Variants in ANGPT4 observed in about 807,000 individuals in gnomAD.
ANGPT4 encodes angiopoietin-4.
In ANGPT4, 50 loss-of-function variants were observed where a neutral mutation model predicts 53.0. The ratio of observed to expected loss-of-function variants is 0.94; its 90% confidence interval spans 0.75 to 1.20. The LOEUF is 1.20. Among genes scored for constraint, ANGPT4 ranks in the 50% most tolerant of loss-of-function variants. ANGPT4 has a pLI of 0.00. For missense variants in ANGPT4, 648 were observed against 637.1 expected, an observed-to-expected ratio of 1.02 and a Z score of -0.18; for synonymous variants, 251 against 259.7, an observed-to-expected ratio of 0.97 and a Z score of 0.32.
At chr20:880,409 A>G (rs1418858401) in intron 5 of ANGPT4, among the ~76,000 whole-genome samples, 1 of 152,042 alleles carries the variant, frequency 6.6e-6, no homozygotes, top group Non-Finnish European at 1.5e-5. Flanking sequence ...ACACAGGGAG[A>G]CTTTGTCCCT....
rs1057382494 is a variant in ANGPT4 at position 911,816 on chromosome 20, A to T, written c.309+4090T>A. 2.6e-4 allele frequency among the ~76,000 whole-genome samples: 39 copies of T among 151,336 alleles called. No individual in the cohort carries two copies. Among genetic ancestry groups the T allele is most frequent in the African/African-American group, 9.0e-4 (37 of 41,168 alleles). ...GTTGAGAGAGTCAGACCTTGTCTTT[A>T]GGAGAGAGACAGAGAGAGGGAGAGA... On this transcript the variant is annotated intron_variant, in intron 1 of 8. Transcript: ENST00000381922. This position sits in a 1 kb window ranked among gnomAD's most constrained non-coding sequence, Gnocchi z 4.9.
intron 1 of ANGPT4, among the ~76,000 whole-genome samples, chr20:901,821 A>G (rs1982299101): frequency 6.6e-6 from 1 of 152,226 alleles, no homozygotes; most frequent in Non-Finnish European, 1.5e-5. Context: ...GGGCTGAGGC[A>G]GGAGGATGGC....
At chr20:886,511 G>C (rs1981625285) in intron 3 of ANGPT4, among the ~76,000 whole-genome samples, 1 of 152,196 alleles carries the variant, frequency 6.6e-6, no homozygotes, top group Admixed American at 6.5e-5. Context: ...GCTCCAAAAT[G>C]TATGATGGGG....
chr20:895,740 G>T (rs1416328108), intron 1 of ANGPT4, among the ~76,000 whole-genome samples: 1 of 152,164 alleles, frequency 6.6e-6, no homozygotes, highest in Non-Finnish European at 1.5e-5. Flanking sequence ...CAATAAAAAG[G>T]AAAGAACCAT....
chr20:885,429 T>G, intron 3 of ANGPT4, 104 bp from the exon 4 acceptor site: 1 of 1,415,904 alleles, frequency 7.1e-7, no homozygotes, highest in Non-Finnish European at 9.2e-7. Flanking sequence ...ACGATGAGAC[T>G]CAAGTGTGGT....
chr20:876,430 G>A (rs1981174043), intron 7 of ANGPT4, among the ~76,000 whole-genome samples: 1 of 152,170 alleles, frequency 6.6e-6, no homozygotes, highest in Non-Finnish European at 1.5e-5. Context: ...ACTATGTCTG[G>A]GGATGGGAAC....
intron 1 of ANGPT4, among the ~76,000 whole-genome samples, chr20:906,655 G>A (rs1245527515): frequency 1.3e-5 from 2 of 152,130 alleles, no homozygotes; most frequent in Non-Finnish European, 2.9e-5. Context: ...TGATTTATGA[G>A]GGTTGGCCCC....
At chr20:903,981 A>G (rs1300816471) in intron 1 of ANGPT4, among the ~76,000 whole-genome samples, 5 of 152,210 alleles carry the variant, frequency 3.3e-5, no homozygotes, top group African/African-American at 4.8e-5. Context: ...ATAAAGTGCC[A>G]GAGGCTGTAC....
intron 1 of ANGPT4, among the ~76,000 whole-genome samples, chr20:891,563 C>T (rs562711493): frequency 6.6e-5 from 10 of 152,280 alleles, no homozygotes; most frequent in African/African-American, 2.2e-4. Flanking sequence ...ACCATGCCCC[C>T]CACCCCTGTC....
intron 1 of ANGPT4, among the ~76,000 whole-genome samples, chr20:895,924 A>T (rs1437691687): frequency 6.6e-6 from 1 of 152,136 alleles, no homozygotes; most frequent in Non-Finnish European, 1.5e-5. Flanking sequence ...TAAAGGACAC[A>T]GGGGAGCTTT....
chr20:914,814 C>G lies in ANGPT4; in HGVS notation c.309+1092G>C, dbSNP rs1014897. Among the ~76,000 whole-genome samples, 9 of 151,966 alleles carry G rather than the reference C, an allele frequency of 5.9e-5. No homozygotes were observed. Among genetic ancestry groups the G allele is most frequent in the African/African-American group, 1.9e-4 (8 of 41,348 alleles). On this transcript the variant is annotated intron_variant, in intron 1 of 8. Coordinates refer to ENST00000381922, the MANE Select transcript of ANGPT4 (RefSeq NM_015985.4). This position sits in a 1 kb window ranked among gnomAD's most constrained non-coding sequence, Gnocchi z 5.0. ...CCAGGGCCAAGCCTGCTTTGCACAC[C>G]TCTGTAGTCAGTGCTTCTCCGAGGG...
chr20:913,338 T>G (rs8117301), intron 1 of ANGPT4, among the ~76,000 whole-genome samples: 30,105 of 151,104 alleles, frequency 0.2, 3,734 homozygotes, highest in Non-Finnish European at 0.27. Flanking sequence ...GGACCAGGAG[T>G]GTCAGAGGGG....
Position 879,850 on chromosome 20 carries a change from T to C in ANGPT4, c.952-2A>G. The C allele has an allele frequency of 6.2e-7, 1 of 1,610,102 alleles. No homozygotes were observed. Among genetic ancestry groups the C allele is most frequent in the Non-Finnish European group, 8.5e-7 (1 of 1,177,956 alleles). On this transcript the variant is annotated splice_acceptor_variant, in intron 5 of 8. Coordinates refer to ENST00000381922, the MANE Select transcript of ANGPT4 (RefSeq NM_015985.4). LOFTEE classifies it high-confidence loss of function. Reference sequence around the variant, plus strand: ...ACTGCTCTGCAGGTCACAGAACACCTGGAGGGGGTGGGCAAGGCACAGCTG... The same window carrying C: ...ACTGCTCTGCAGGTCACAGAACACCCGGAGGGGGTGGGCAAGGCACAGCTG...
intron 4 of ANGPT4, among the ~76,000 whole-genome samples, chr20:884,670 T>G (rs1026208948): frequency 8.6e-5 from 13 of 151,818 alleles, no homozygotes; most frequent in African/African-American, 3.1e-4. Context: ...GTGCATTGAG[T>G]CTAACCTCCC....
chr20:895,080 T>G (rs556705577), intron 1 of ANGPT4, among the ~76,000 whole-genome samples: 30 of 152,270 alleles, frequency 2.0e-4, no homozygotes, highest in Admixed American at 1.9e-3. Context: ...AGACTAATAT[T>G]GGCCTGGGTG....
At chr20:878,095 G>T in intron 7 of ANGPT4, 66 bp downstream of exon 7, 2 of 1,517,712 alleles carry the variant, frequency 1.3e-6, no homozygotes, top group East Asian at 2.3e-5. Flanking sequence ...ACACTAGCCT[G>T]GGGACCCCAG....
intron 1 of ANGPT4, among the ~76,000 whole-genome samples, chr20:891,088 A>G (rs553800385): frequency 1.1e-4 from 17 of 152,222 alleles, no homozygotes; most frequent in Non-Finnish European, 2.1e-4. Context: ...AGCACAATGC[A>G]TGGTGCACAG....
At chr20:900,949 G>A (rs956784057) in intron 1 of ANGPT4, among the ~76,000 whole-genome samples, 3 of 152,018 alleles carry the variant, frequency 2.0e-5, no homozygotes, top group Admixed American at 6.6e-5. Context: ...CTGCATCCAG[G>A]CCATCACCAA....
intron 8 of ANGPT4, 96 bp from the exon 9 acceptor site, chr20:873,216 C>G (rs548605968): frequency 2.0e-6 from 2 of 990,870 alleles, no homozygotes; most frequent in Non-Finnish European, 2.6e-6. Context: ...AAAGACTAAT[C>G]GGGGCTGTTG....
Sources: allele counts gnomAD v4.1 joint callset (sites outside exome capture counted in the v4.1 genomes callset), GRCh38; gene constraint gnomAD v4.1.1; non-coding constraint Gnocchi (gnomAD v3.1); transcripts MANE v1.5; gene names NCBI Gene and HGNC (gene_info 2026-07-23, HGNC 2026-07-21).